Variants in SBF2 observed in about 807,000 individuals in gnomAD.
SBF2 encodes the protein myotubularin-related protein 13.
In SBF2, 112 loss-of-function variants were observed where a neutral mutation model predicts 225.2. That is an observed-to-expected ratio of 0.50 (90% CI 0.43 to 0.58). The LOEUF is 0.58. Ranked by LOEUF, SBF2 falls within the 20% of genes least tolerant of loss-of-function variation. The pLI, the probability that SBF2 is intolerant of heterozygous loss-of-function variation, is 0.00. For synonymous variants in SBF2, 763 were observed against 773.3 expected (o/e 0.99, Z 0.22); for missense variants, 1,996 against 2,206.2 (o/e 0.90, Z 1.91).
intron 3 of SBF2, among the ~76,000 whole-genome samples, chr11:10,041,229 G>C (rs1169900415): frequency 6.6e-6 from 1 of 152,124 alleles, no homozygotes; most frequent in African/African-American, 2.4e-5. Context: ...TCTTGGGCTA[G>C]AGAACACTCT....
intron 13 of SBF2, among the ~76,000 whole-genome samples, chr11:9,984,115 G>A: frequency 6.6e-6 from 1 of 152,202 alleles, no homozygotes; most frequent in East Asian, 1.9e-4. Context: ...CAGGAGGTTA[G>A]TTACTAAGCT....
At chr11:9,970,641 G>A (rs1258026215) in intron 13 of SBF2, among the ~76,000 whole-genome samples, 3 of 152,096 alleles carry the variant, frequency 2.0e-5, no homozygotes, top group Non-Finnish European at 4.4e-5. Context: ...TCCCACTGCC[G>A]TAAGTGTCAA....
At chr11:9,852,553 T>G in intron 21 of SBF2, 123 bp downstream of exon 21, 1 of 761,076 alleles carries the variant, frequency 1.3e-6, no homozygotes, top group East Asian at 2.5e-5. Context: ...GTTTAACATA[T>G]CATTAAAACT....
chr11:10,011,367 T>C (rs1277151937), intron 6 of SBF2, among the ~76,000 whole-genome samples: 2 of 152,140 alleles, frequency 1.3e-5, no homozygotes, highest in Admixed American at 6.6e-5. Context: ...GCTGGGACCA[T>C]AGGTGTACAC....
chr11:10,055,926 T>C (rs983566040), intron 2 of SBF2, among the ~76,000 whole-genome samples: 38 of 151,926 alleles, frequency 2.5e-4, no homozygotes, highest in African/African-American at 8.4e-4. Context: ...ACTAAAGTTA[T>C]TGAAATAAAA....
At chr11:10,195,664 C>T (rs764174829) in intron 1 of SBF2, among the ~76,000 whole-genome samples, 6 of 152,112 alleles carry the variant, frequency 3.9e-5, no homozygotes, top group African/African-American at 7.2e-5. Context: ...AATCAATTTA[C>T]GGCCAAATTT....
In SBF2 at chr11:9,818,785, G is replaced by T. The variant is rs555419758; in HGVS notation, c.3794-1761C>A. On this transcript the variant is annotated intron_variant, in intron 28 of 39. Coordinates refer to ENST00000256190, the MANE Select transcript of SBF2 (RefSeq NM_030962.4). ...TGCCCAGGCTGGAGTGCAATGGCGTGATCTCGGCTCACCACAGCCTCTGCC... is the reference window on the plus strand; with the variant it reads ...TGCCCAGGCTGGAGTGCAATGGCGTTATCTCGGCTCACCACAGCCTCTGCC... Among the ~76,000 whole-genome samples, 109 of 152,288 alleles carry T rather than the reference G, an allele frequency of 7.2e-4. 1 individual carries two copies. Among genetic ancestry groups the T allele is most frequent in the African/African-American group, 2.5e-3 (103 of 41,574 alleles).
intron 14 of SBF2, among the ~76,000 whole-genome samples, chr11:9,967,910 AATCTGTCT>A (rs1253287909): frequency 7.5e-6 from 1 of 132,868 alleles, no homozygotes; most frequent in African/African-American, 2.8e-5. Flanking sequence ...GGTGAAACTC[AATCTGTCT>A]GTCTGTCTGT....
chr11:9,943,895 C>G (rs919321246), intron 16 of SBF2, among the ~76,000 whole-genome samples: 1 of 152,160 alleles, frequency 6.6e-6, no homozygotes, highest in Non-Finnish European at 1.5e-5. Context: ...CCAAGAGAAG[C>G]TCTTGCACAA....
chr11:9,832,516 A>T (rs972460762), intron 26 of SBF2, 96 bp from the exon 27 acceptor site: 1 of 855,090 alleles, frequency 1.2e-6, no homozygotes, highest in South Asian at 1.4e-5. Context: ...GACAGAGAAT[A>T]TAAGAAATTG....
At chr11:9,883,113 G>A (rs185210463) in intron 17 of SBF2, among the ~76,000 whole-genome samples, 174 of 152,120 alleles carry the variant, frequency 1.1e-3, no homozygotes, top group Admixed American at 1.8e-3. Flanking sequence ...CAGTCTGGGC[G>A]ACAGAGCGAG....
intron 2 of SBF2, among the ~76,000 whole-genome samples, chr11:10,093,270 C>T (rs905100160): frequency 6.6e-6 from 1 of 151,982 alleles, no homozygotes; most frequent in East Asian, 1.9e-4. Flanking sequence ...CAGCCTCAGC[C>T]TCCCAAAGTG....
intron 2 of SBF2, among the ~76,000 whole-genome samples, chr11:10,121,051 C>G (rs1006193250): frequency 1.3e-5 from 2 of 152,222 alleles, no homozygotes; most frequent in East Asian, 3.8e-4. Flanking sequence ...CAGGCTTGAG[C>G]CATCACGCCC....
At chr11:9,882,795 C>CAAAAAAAAAAAAA (rs56699466) in intron 17 of SBF2, among the ~76,000 whole-genome samples, 2 of 90,096 alleles carry the variant, frequency 2.2e-5, no homozygotes, top group Non-Finnish European at 4.8e-5. Context: ...GTGACAGAGT[C>CAAAAAAAAAAAAA]AAAAAAAAAA....
At chr11:10,188,500 G>T (rs1389639368) in intron 2 of SBF2, among the ~76,000 whole-genome samples, 3 of 152,188 alleles carry the variant, frequency 2.0e-5, no homozygotes, top group African/African-American at 7.2e-5. Flanking sequence ...TGTCTAAAGT[G>T]GTTCTGAGAG....
chr11:9,808,920 C>T lies in SBF2; in HGVS notation c.4238G>A (p.Gly1413Asp), dbSNP rs1340217759. Residue 1413 changes from glycine (G) to aspartate (D), a missense_variant, in exon 31 of 40, where the codon GGC (glycine) becomes GAC (aspartate). Physicochemically the swap from Gly to Asp is moderately conservative, Grantham distance 94. Coordinates refer to ENST00000256190, the MANE Select transcript of SBF2 (RefSeq NM_030962.4). ...GSSVLVCLEE[G>D]WDITAQVTSL... ...GTTTACTTGTGCAGTGATGTCCCAG[C>T]CTTCCTCCAAACAGACCAAAACTGA... 6.2e-7 allele frequency: 1 copy of T among 1,613,078 alleles called. No homozygotes were observed. The highest frequency in any genetic ancestry group is 2.2e-5 in the East Asian group (1 of 44,872).
At chr11:9,810,057 G>C (rs185351607) in intron 30 of SBF2, among the ~76,000 whole-genome samples, 2 of 152,094 alleles carry the variant, frequency 1.3e-5, no homozygotes, top group Non-Finnish European at 2.9e-5. Flanking sequence ...CAGGAGTAGT[G>C]CTTGAGCTCA....
At chr11:9,859,548 C>A (rs1420771157) in intron 17 of SBF2, among the ~76,000 whole-genome samples, 2 of 152,082 alleles carry the variant, frequency 1.3e-5, no homozygotes, top group African/African-American at 4.8e-5. Context: ...GAATTGAGTT[C>A]ATCTGTTTTC....
chr11:9,939,162 C>G (rs1208804931), intron 16 of SBF2, among the ~76,000 whole-genome samples: 2 of 152,126 alleles, frequency 1.3e-5, no homozygotes, highest in Non-Finnish European at 2.9e-5. Flanking sequence ...GTGGTGCGAT[C>G]TCGGCTCACT....
Sources: gnomAD v4.1 joint callset for allele counts (sites outside exome capture counted in the v4.1 genomes callset) on GRCh38, gnomAD v4.1.1 for gene constraint, MANE v1.5 for transcripts, NCBI Gene and HGNC (gene_info 2026-07-23, HGNC 2026-07-21) for gene names.